SHROOM4: variants seen among roughly 807,000 people sequenced by gnomAD.
SHROOM4 encodes the protein protein Shroom4.
A neutral mutation model predicts 80.3 loss-of-function variants in SHROOM4; 17 were observed. That is an observed-to-expected ratio of 0.21 (90% CI 0.14 to 0.32). The LOEUF is 0.32. SHROOM4 is among the 10% of genes least tolerant of loss of function. The pLI is 1.00. For missense variants in SHROOM4, 993 were observed against 1,140.3 expected (o/e 0.87, Z 1.86); for synonymous variants, 400 against 437.5 (o/e 0.91, Z 1.07).
In SHROOM4 at chrX:50,674,861, T is replaced by C. The variant is rs1932836052; in HGVS notation, c.269+20925A>G. ...TGTCTTCAAGGAAATCATAGTTTAGTAGAGAAAAGCAATATCTAAACTAAC... is the reference window on the plus strand; with the variant it reads ...TGTCTTCAAGGAAATCATAGTTTAGCAGAGAAAAGCAATATCTAAACTAAC... On this transcript the variant is annotated intron_variant, in intron 2 of 8. Transcript: ENST00000376020. 3.6e-5 allele frequency among the ~76,000 whole-genome samples: 4 copies of C among 111,670 alleles called. No individual in the cohort carries two copies. The South Asian group carries it at 1.5e-3, about 42-fold the overall frequency.
chrX:50,613,215 G>A (rs1223828518), intron 5 of SHROOM4, among the ~76,000 whole-genome samples: 2 of 111,146 alleles, frequency 1.8e-5, no homozygotes, highest in Non-Finnish European at 3.8e-5. Context: ...CCAGGTTCAA[G>A]CGACACTCGT....
intron 2 of SHROOM4, among the ~76,000 whole-genome samples, chrX:50,677,803 C>T (rs190691965): frequency 1.8e-5 from 2 of 111,553 alleles, no homozygotes; most frequent in African/African-American, 6.5e-5. Context: ...CAAGGCCTAG[C>T]TTTATGGAAA....
At chrX:50,682,966 C>T (rs1360295919) in intron 2 of SHROOM4, among the ~76,000 whole-genome samples, 1 of 111,056 alleles carries the variant, frequency 9.0e-6, no homozygotes, top group Non-Finnish European at 1.9e-5. Context: ...ATAAAGCAGG[C>T]AGAAAAATGT....
rs782013224 is a variant in SHROOM4 at position 50,597,541 on chromosome X, C to A, written c.4213-577G>T. Among the ~76,000 whole-genome samples the A allele has an allele frequency of 6.7e-4, 75 of 111,688 alleles. 1 individual carries two copies. The highest frequency in any genetic ancestry group is 1.3e-3 in the Non-Finnish European group (68 of 53,164). ...TTCCAATCTCAAATACTTGATGAGACCTCCCCCTCCAACTCTAGAGTGAGG... is the reference window on the plus strand; with the variant it reads ...TTCCAATCTCAAATACTTGATGAGAACTCCCCCTCCAACTCTAGAGTGAGG... On this transcript the variant is annotated intron_variant, in intron 8 of 8. Coordinates refer to ENST00000376020, the MANE Select transcript of SHROOM4 (RefSeq NM_020717.5).
intron 2 of SHROOM4, among the ~76,000 whole-genome samples, chrX:50,653,011 G>T (rs916042511): frequency 9.0e-5 from 10 of 111,533 alleles, no homozygotes; most frequent in African/African-American, 3.3e-4. Flanking sequence ...GATGCCTCCA[G>T]CTTTGTTCTT....
At chrX:50,585,159 T>TG (rs1434750965), downstream of SHROOM4, among the ~76,000 whole-genome samples, 2 of 111,574 alleles carry the variant, frequency 1.8e-5, no homozygotes, top group Non-Finnish European at 3.8e-5. Flanking sequence ...ACTATGAGCT[T>TG]GGGGCACTGT....
intron 2 of SHROOM4, among the ~76,000 whole-genome samples, chrX:50,655,068 G>T (rs925984550): frequency 3.7e-5 from 4 of 108,068 alleles, no homozygotes; most frequent in Non-Finnish European, 5.7e-5. Context: ...ACATTAATTT[G>T]CTTAGGACAA....
intron 2 of SHROOM4, among the ~76,000 whole-genome samples, chrX:50,666,873 T>C (rs782015055): frequency 5.4e-5 from 6 of 111,101 alleles, no homozygotes; most frequent in Non-Finnish European, 1.1e-4. Flanking sequence ...AAAACTACCA[T>C]GTATAACTTC....
intron 8 of SHROOM4, 125 bp from the exon 9 acceptor site, chrX:50,597,089 G>A: frequency 3.5e-6 from 3 of 866,355 alleles, no homozygotes; most frequent in Non-Finnish European, 4.9e-6. Context: ...TAATTAGTCA[G>A]TCCTAGATTT....
At chrX:50,786,006 T>C (rs1557271034) in intron 1 of SHROOM4, among the ~76,000 whole-genome samples, 2 of 111,186 alleles carry the variant, frequency 1.8e-5, no homozygotes, top group Non-Finnish European at 3.8e-5. Context: ...CAACAAAATA[T>C]AGACAAATTC....
intron 1 of SHROOM4, among the ~76,000 whole-genome samples, chrX:50,709,469 G>A (rs930007015): frequency 8.9e-6 from 1 of 112,304 alleles, no homozygotes; most frequent in Non-Finnish European, 1.9e-5. Context: ...TATCTCTTCT[G>A]AGGGTCCCAA....
Position 50,607,388 on chromosome X carries a change from A to G in SHROOM4, c.3754T>C (p.Ser1252Pro). 8.3e-7 allele frequency: 1 copy of G among 1,210,977 alleles called. No individual in the cohort carries two copies. The highest frequency in any genetic ancestry group is 1.7e-5 in the African/African-American group (1 of 57,570). ...WRTSGQEATE[S>P]AKQEFQHFSP... ...TCTTTCATATGTACTTACTTGGCGG[A>G]TTCAGTGGCTTCCTGTCCCGATGTC... The change falls in exon 6 of 9, where the codon TCC becomes CCC. Residue 1252 changes from serine to proline, a missense_variant. Ser to Pro is a moderately conservative substitution (Grantham distance 74, BLOSUM62 -1). Transcript: ENST00000376020.
At chrX:50,779,669 T>C (rs1162446131) in intron 1 of SHROOM4, among the ~76,000 whole-genome samples, 11 of 111,672 alleles carry the variant, frequency 9.9e-5, no homozygotes, top group African/African-American at 3.6e-4. Flanking sequence ...ATCTGGAACA[T>C]GCAGGAAGAA....
chrX:50,755,257 G>T (rs782347190), intron 1 of SHROOM4, among the ~76,000 whole-genome samples: 31 of 111,925 alleles, frequency 2.8e-4, no homozygotes, highest in Admixed American at 8.5e-4. Context: ...GAGTATATCC[G>T]CTATAGAAAC....
chrX:50,801,743 G>A (rs1245849367), intron 1 of SHROOM4, among the ~76,000 whole-genome samples: 1 of 111,762 alleles, frequency 8.9e-6, no homozygotes, highest in East Asian at 2.8e-4. Flanking sequence ...GCAAGCAGGC[G>A]CTTGTAAAAA....
intron 1 of SHROOM4, among the ~76,000 whole-genome samples, chrX:50,761,360 A>G (rs1299962715): frequency 1.8e-5 from 2 of 111,851 alleles, no homozygotes; most frequent in Non-Finnish European, 3.8e-5. Context: ...CTCAAAAGCT[A>G]TGATACTAAT....
At chrX:50,798,154 T>C (rs1038205059) in intron 1 of SHROOM4, among the ~76,000 whole-genome samples, 3 of 110,612 alleles carry the variant, frequency 2.7e-5, no homozygotes, top group African/African-American at 9.9e-5. Context: ...GGTTTTTTGT[T>C]TATTGCTTAC....
At chrX:50,601,067 A>G (rs1929374448) in intron 7 of SHROOM4, among the ~76,000 whole-genome samples, 1 of 112,182 alleles carries the variant, frequency 8.9e-6, no homozygotes, top group Admixed American at 9.4e-5. Flanking sequence ...CCTGAACCTC[A>G]GTCCTGGGGA....
At chrX:50,684,842 C>T (rs916913863) in intron 2 of SHROOM4, among the ~76,000 whole-genome samples, 8 of 111,564 alleles carry the variant, frequency 7.2e-5, no homozygotes, top group South Asian at 3.8e-4. Flanking sequence ...AAGATATACC[C>T]CTTTGGGTTT....
Sources: gnomAD v4.1 joint callset for allele counts (sites outside exome capture counted in the v4.1 genomes callset) on GRCh38, gnomAD v4.1.1 for gene constraint, MANE v1.5 for transcripts, NCBI Gene and HGNC (gene_info 2026-07-23, HGNC 2026-07-21) for gene names.